Variants in AZIN1 observed in about 807,000 individuals in gnomAD.
The protein encoded by AZIN1 is antizyme inhibitor 1.
Under a neutral mutation model 47.4 loss-of-function variants are expected in AZIN1, and 12 were observed. That is an observed-to-expected ratio of 0.25 (90% CI 0.16 to 0.41). The LOEUF is 0.41. AZIN1 is among the 10% of genes least tolerant of loss of function. The pLI is 1.00. For missense variants in AZIN1, 410 were observed against 532.4 expected, an observed-to-expected ratio of 0.77 and a Z score of 2.26; for synonymous variants, 155 against 176.3, an observed-to-expected ratio of 0.88 and a Z score of 0.96.
chr8:102,828,611 A>G lies in AZIN1; in HGVS notation c.1303T>C (p.Cys435Arg). ...MMKNFFFVPS[C>R]IQLSQEDSFS... ...CTGTCTTCTTGGCTCAGCTGAATGC[A>G]AGAAGGCACAAAGAAGAAGTTCTTC... Residue 435 changes from cysteine to arginine, a missense_variant, in exon 12 of 12, where the codon TGC (cysteine) becomes CGC (arginine). Around this residue, in one of 3 missense-constraint regions of AZIN1, gnomAD observed 168 missense variants for 198.3 expected, o/e 0.85. Coordinates refer to ENST00000337198, the MANE Select transcript of AZIN1 (RefSeq NM_148174.4). 5 of 1,612,004 alleles carry G rather than the reference A, an allele frequency of 3.1e-6. No individual in the cohort carries two copies. The highest frequency in any genetic ancestry group is 4.2e-6 in the Non-Finnish European group (5 of 1,178,320).
intron 7 of AZIN1, among the ~76,000 whole-genome samples, 161 bp from the exon 8 acceptor site, chr8:102,834,424 T>A (rs1811686169): frequency 6.6e-6 from 1 of 152,248 alleles, no homozygotes; most frequent in Non-Finnish European, 1.5e-5. Flanking sequence ...ATGTTAGGTA[T>A]GCTGTCTCTT....
chr8:102,829,432 C>G lies in AZIN1; in HGVS notation c.1075G>C (p.Asp359His). The change falls in exon 11 of 12, where the codon GAT becomes CAT. Residue 359 changes from aspartate (D) to histidine (H), a missense_variant. Physicochemically the swap from Asp to His is moderately conservative, Grantham distance 81 (BLOSUM62 -1). Transcript: ENST00000337198. ...CTTTCCACAATTTGATCAAGCTCAT[C>G]ACAGGATGGACCCCAAAGGCTGCTT... is the stretch of plus-strand genomic sequence containing the variant. ...FTSSLWGPSC[D>H]ELDQIVESCL... 2 of 1,614,078 alleles carry G rather than the reference C, an allele frequency of 1.2e-6. No individual in the cohort carries two copies. Among genetic ancestry groups the G allele is most frequent in the Non-Finnish European group, 1.7e-6 (2 of 1,179,942 alleles).
At position 102,829,441 on chromosome 8, in the gene AZIN1, G is replaced by T. The variant is rs1276178765; in HGVS notation, c.1066C>A (p.Pro356Thr). Residue 356 changes from proline to threonine, a missense_variant, in exon 11 of 12, where the codon CCA becomes ACA. Physicochemically the swap from Pro to Thr is conservative, Grantham distance 38. Around this residue, in one of 3 missense-constraint regions of AZIN1, gnomAD observed 168 missense variants for 198.3 expected, o/e 0.85. Transcript: ENST00000337198. ...ATTTGATCAAGCTCATCACAGGATG[G>T]ACCCCAAAGGCTGCTTGTAAACAGA... The part of the protein sequence containing the change: ...EPLFTSSLWG[P>T]SCDELDQIVE... The T allele has an allele frequency of 1.2e-6, 2 of 1,613,818 alleles. No individual in the cohort carries two copies. Among genetic ancestry groups the T allele is most frequent in the African/African-American group, 2.7e-5 (2 of 74,912 alleles).
chr8:102,830,449 T>C (rs1811372852), intron 9 of AZIN1, among the ~76,000 whole-genome samples: 1 of 150,714 alleles, frequency 6.6e-6, no homozygotes, highest in Admixed American at 6.6e-5. Context: ...CTAGAAGACT[T>C]TCTGATAGTT....
At chr8:102,855,682 G>A (rs1813238488) in intron 2 of AZIN1, 1 of 152,116 alleles carries the variant, frequency 6.6e-6, no homozygotes, top group Non-Finnish European at 1.5e-5. Flanking sequence ...CAATGCTATG[G>A]GCCAAATAAT....
At chr8:102,834,571 G>A in intron 7 of AZIN1, 95 bp downstream of exon 7, 1 of 917,900 alleles carries the variant, frequency 1.1e-6, no homozygotes, top group Non-Finnish European at 1.7e-6. Context: ...GTTGAATGTA[G>A]TCAGAGTAAT....
Position 102,838,829 on chromosome 8 carries a change from A to G in AZIN1, c.364T>C (p.Tyr122His). 6 of 1,613,938 alleles carry G rather than the reference A, an allele frequency of 3.7e-6. No homozygotes were observed. The highest frequency in any genetic ancestry group is 3.4e-6 in the Non-Finnish European group (4 of 1,179,898). ...SPCKQVSQIKYAAKVGVNILT... is the reference protein window; with the variant it reads ...SPCKQVSQIKHAAKVGVNILT... ...ATATTCACTCCAACTTTTGCTGCAT[A>G]CTTTATCTGAGACACTTGCTTGCAA... Residue 122 changes from tyrosine to histidine, a missense_variant, in exon 5 of 12, where the codon TAT becomes CAT. Tyr to His is a moderately conservative substitution (Grantham distance 83). Transcript: ENST00000337198.
intron 3 of AZIN1, among the ~76,000 whole-genome samples, chr8:102,841,676 G>A (rs982078562): frequency 8.6e-5 from 13 of 151,626 alleles, no homozygotes; most frequent in Non-Finnish European, 1.3e-4. Context: ...AAGAGAAGGA[G>A]AAAATTTTGG....
chr8:102,842,576 G>A (rs1055864671), intron 3 of AZIN1, among the ~76,000 whole-genome samples: 4 of 151,230 alleles, frequency 2.6e-5, no homozygotes, highest in Admixed American at 6.6e-5. Context: ...GCATGGTGGC[G>A]GGCGCCTGTA....
At chr8:102,839,936 T>C (rs1032079001) in intron 3 of AZIN1, 113 bp from the exon 4 acceptor site, 8 of 647,524 alleles carry the variant, frequency 1.2e-5, no homozygotes, top group Non-Finnish European at 2.0e-5. Flanking sequence ...TCAAGACATA[T>C]ATTTACATAC....
At position 102,863,957 on chromosome 8, in the gene AZIN1, C is replaced by T. The variant is rs192378107; in HGVS notation, c.-384G>A. ...CTTGGGGGTAAAAGCGCGGCACCGA[C>T]ACCAGCTGTGTGCAGCAGTGGCGGC... On this transcript the variant is annotated 5_prime_UTR_variant, in exon 1 of 12. Transcript: ENST00000337198. The T allele has an allele frequency of 3.3e-5, 5 of 153,810 alleles. No homozygotes were observed. The highest frequency in any genetic ancestry group is 9.6e-5 in the African/African-American group (4 of 41,588). The allele number at this position is 153,810 out of a possible 1,614,324, so 9.5% of individuals were successfully genotyped here.
rs369144855 is a variant in AZIN1, at chr8:102,836,340, T to C, written c.500A>G (p.Asn167Ser). The change falls in exon 6 of 12, where the codon AAC (asparagine) becomes AGC (serine). Residue 167 changes from asparagine (N) to serine (S), a missense_variant. By Grantham distance (46) the Asn-to-Ser change is conservative (BLOSUM62 1). Around this residue, in one of 3 missense-constraint regions of AZIN1, gnomAD observed 237 missense variants for 309.4 expected, o/e 0.77. Transcript: ENST00000337198. ...TEDNIGGEEG[N>S]MKFGTTLKNC... Reference sequence around the variant, plus strand: ...CTTCAGGGTAGTGCCAAACTTCATGTTACCCTCTTCACCTCCAATATTATC... The same window carrying C: ...CTTCAGGGTAGTGCCAAACTTCATGCTACCCTCTTCACCTCCAATATTATC... The C allele has an allele frequency of 1.7e-5, 28 of 1,613,710 alleles. No individual in the cohort carries two copies. In the African/African-American group the frequency reaches 1.9e-4, roughly 11 times the overall value.
At chr8:102,852,923 T>C (rs1813011113) in intron 2 of AZIN1, among the ~76,000 whole-genome samples, 1 of 152,224 alleles carries the variant, frequency 6.6e-6, no homozygotes, top group African/African-American at 2.4e-5. Context: ...TCCTTAGGCT[T>C]ATCTGAACAA....
intron 2 of AZIN1, among the ~76,000 whole-genome samples, chr8:102,857,420 G>A (rs1813361637): frequency 1.3e-5 from 2 of 151,886 alleles, no homozygotes. Context: ...CACAAATCTA[G>A]TAGCCCAAAT....
chr8:102,834,905 CA>C, intron 6 of AZIN1, 158 bp from the exon 7 acceptor site: 2 of 558,900 alleles, frequency 3.6e-6, no homozygotes, highest in East Asian at 3.0e-5. Flanking sequence ...TCTAATTACC[CA>C]AAAGTTACAG....
chr8:102,862,617 T>A (rs1383653844), intron 1 of AZIN1, among the ~76,000 whole-genome samples: 1 of 152,228 alleles, frequency 6.6e-6, no homozygotes, highest in Non-Finnish European at 1.5e-5. Flanking sequence ...CTGTATTTGA[T>A]GTGCTTTGAT....
At chr8:102,837,037 C>T (rs1002748686) in intron 5 of AZIN1, among the ~76,000 whole-genome samples, 5 of 152,134 alleles carry the variant, frequency 3.3e-5, no homozygotes, top group Admixed American at 1.3e-4. Flanking sequence ...CCTGCCTCAG[C>T]CTCCCAAAGT....
rs968356510 is a variant in AZIN1, at chr8:102,864,088, G to A, written c.-515C>T. ...CACTGCAGAGCAGCAGAGCGAGAAA[G>A]GATGAGAAGAGGCAGAGAAGGCGAC... On this transcript the variant is annotated 5_prime_UTR_variant, in exon 1 of 12. Transcript: ENST00000337198. The A allele has an allele frequency of 2.3e-5, 4 of 171,050 alleles. No homozygotes were observed. Among genetic ancestry groups the A allele is most frequent in the African/African-American group, 9.6e-5 (4 of 41,540 alleles). The allele number at this position is 171,050 out of a possible 1,614,324, so 10.6% of individuals were successfully genotyped here.
intron 2 of AZIN1, among the ~76,000 whole-genome samples, chr8:102,852,593 A>AT (rs1428219094): frequency 2.6e-5 from 4 of 152,072 alleles, no homozygotes; most frequent in African/African-American, 9.7e-5. Flanking sequence ...GTAAAAAAAA[A>AT]ATTTTTTAAT....
Sources: gnomAD v4.1 joint callset for allele counts (sites outside exome capture counted in the v4.1 genomes callset) on GRCh38, gnomAD v4.1.1 for gene constraint, gnomAD v4.1.1 regional missense constraint, MANE v1.5 for transcripts, NCBI Gene and HGNC (gene_info 2026-07-23, HGNC 2026-07-21) for gene names.